CCDC192: variants seen among roughly 807,000 people sequenced by gnomAD.
CCDC192 encodes coiled-coil domain containing 192, also known as coiled-coil domain-containing protein 192.
At chr5:127,756,395 G>A (rs11743016) in intron 3 of CCDC192, among the ~76,000 whole-genome samples, 48,554 of 151,702 alleles carry the variant, frequency 0.32, 8,563 homozygotes, top group Middle Eastern at 0.42. Flanking sequence ...ATTCGACGGG[G>A]AGGGGCCCGG....
intron 2 of CCDC192, among the ~76,000 whole-genome samples, chr5:127,752,860 G>A (rs990449425): frequency 6.6e-6 from 1 of 152,150 alleles, no homozygotes; most frequent in African/African-American, 2.4e-5. Context: ...TATTCGGGTG[G>A]GAGTGACCCG....
At chr5:127,936,841 CTA>C (rs1474321089) in intron 6 of CCDC192, among the ~76,000 whole-genome samples, 1 of 152,184 alleles carries the variant, frequency 6.6e-6, no homozygotes, top group Non-Finnish European at 1.5e-5. Context: ...CAGCAGAAGC[CTA>C]TGAGGGACCA....
chr5:127,784,522 G>T, intron 3 of CCDC192: 1 of 369,158 alleles, frequency 2.7e-6, no homozygotes, highest in Non-Finnish European at 5.1e-6. Context: ...GTACAATGGT[G>T]GCAGGCTGGC....
At chr5:127,789,397 A>G (rs1200295700) in intron 3 of CCDC192, among the ~76,000 whole-genome samples, 1 of 152,242 alleles carries the variant, frequency 6.6e-6, no homozygotes, top group Non-Finnish European at 1.5e-5. Flanking sequence ...ATGAGGTTTT[A>G]GATGGAAAAG....
In CCDC192 at chr5:127,836,694, A is replaced by T. The variant is rs1187760603; in HGVS notation, c.411+38532A>T. On this transcript the variant is annotated intron_variant, in intron 5 of 6. Coordinates refer to ENST00000514853, the MANE Select transcript of CCDC192 (RefSeq NM_001317938.2). ...GCTTGGGGATAGGACCCACTGAAGCAATGGCCTTAGCTGTATGTTGGCCCC... is the reference window on the plus strand; with the variant it reads ...GCTTGGGGATAGGACCCACTGAAGCTATGGCCTTAGCTGTATGTTGGCCCC... Among the ~76,000 whole-genome samples the T allele has an allele frequency of 3.3e-4, 6 of 18,398 alleles. 3 individuals carry two copies. Among genetic ancestry groups the T allele is most frequent in the Non-Finnish European group, 9.5e-4 (6 of 6,296 alleles). The allele number at this position is 18,398 out of a possible 152,430, so 12.1% of individuals were successfully genotyped here.
intron 5 of CCDC192, among the ~76,000 whole-genome samples, chr5:127,845,705 TAGAC>T (rs1383469939): frequency 7.9e-5 from 12 of 152,244 alleles, no homozygotes; most frequent in African/African-American, 1.9e-4. Context: ...AAATAGATGA[TAGAC>T]AGAAACAACA....
At chr5:127,713,402 A>C (rs78607920) in intron 2 of CCDC192, among the ~76,000 whole-genome samples, 1,906 of 152,132 alleles carry the variant, frequency 0.013, 18 homozygotes, top group African/African-American at 0.024. Flanking sequence ...GTCCATTTTC[A>C]AGTTGTGTTA....
intron 3 of CCDC192, among the ~76,000 whole-genome samples, chr5:127,784,377 C>T (rs1372796632): frequency 6.6e-6 from 1 of 152,110 alleles, no homozygotes; most frequent in Non-Finnish European, 1.5e-5. Flanking sequence ...GAGGTTCGGT[C>T]TTCTCTGTTC....
At chr5:127,871,863 A>T (rs1356330399) in intron 5 of CCDC192, among the ~76,000 whole-genome samples, 1 of 152,222 alleles carries the variant, frequency 6.6e-6, no homozygotes, top group Non-Finnish European at 1.5e-5. Context: ...GTAGGAAAAG[A>T]GCACGGTAAT....
chr5:127,714,439 A>G (rs1186796391), intron 2 of CCDC192, among the ~76,000 whole-genome samples: 1 of 152,128 alleles, frequency 6.6e-6, no homozygotes, highest in East Asian at 1.9e-4. Flanking sequence ...CCCAGGCTGG[A>G]GTGCAGTGGT....
intron 6 of CCDC192, among the ~76,000 whole-genome samples, chr5:127,915,509 G>A (rs1753495381): frequency 6.6e-6 from 1 of 152,194 alleles, no homozygotes. Context: ...AGCCTCCCGA[G>A]TAGCTGGGAC....
intron 5 of CCDC192, among the ~76,000 whole-genome samples, chr5:127,825,506 G>C (rs1275580186): frequency 6.6e-6 from 1 of 152,166 alleles, no homozygotes; most frequent in Non-Finnish European, 1.5e-5. Context: ...AGTTCTTAGA[G>C]GTTTATATCC....
chr5:127,814,001 C>T (rs1240952356), intron 5 of CCDC192, among the ~76,000 whole-genome samples: 3 of 152,284 alleles, frequency 2.0e-5, no homozygotes, highest in Middle Eastern at 6.8e-3. Context: ...TCCTCACAAG[C>T]CAGTTTCTCA....
At chr5:127,799,628 A>C (rs1757371574) in intron 5 of CCDC192, among the ~76,000 whole-genome samples, 1 of 152,192 alleles carries the variant, frequency 6.6e-6, no homozygotes, top group Non-Finnish European at 1.5e-5. Context: ...AGCTTCCAGC[A>C]TCTCTTTGTG....
At chr5:127,721,924 G>C (rs1159241534) in intron 2 of CCDC192, among the ~76,000 whole-genome samples, 2 of 152,132 alleles carry the variant, frequency 1.3e-5, no homozygotes, top group Non-Finnish European at 2.9e-5. Flanking sequence ...AACTACAAGG[G>C]GGAGTAAGCC....
Position 127,753,989 on chromosome 5 carries a change from T to A in CCDC192, c.115-279T>A, listed in dbSNP as rs77637873. Among the ~76,000 whole-genome samples, 317 of 152,328 alleles carry A rather than the reference T, an allele frequency of 2.1e-3. 1 individual carries two copies. Among genetic ancestry groups the A allele is most frequent in the African/African-American group, 7.3e-3 (302 of 41,588 alleles). On this transcript the variant is annotated intron_variant, in intron 2 of 6. Coordinates refer to ENST00000514853, the MANE Select transcript of CCDC192 (RefSeq NM_001317938.2). Reference sequence around the variant, plus strand: ...TGGAGTAAGAATAAAAGTTTCAAAGTAGTCAAATTCCAATGACAGTTATTT... The same window carrying A: ...TGGAGTAAGAATAAAAGTTTCAAAGAAGTCAAATTCCAATGACAGTTATTT...
At chr5:127,907,765 G>C (rs1273125070) in intron 6 of CCDC192, among the ~76,000 whole-genome samples, 2 of 152,142 alleles carry the variant, frequency 1.3e-5, no homozygotes, top group Admixed American at 1.3e-4. Context: ...CAAAAATTAA[G>C]TCATCAAAAA....
intron 6 of CCDC192, among the ~76,000 whole-genome samples, chr5:127,913,552 C>T (rs1753435243): frequency 6.6e-6 from 1 of 152,198 alleles, no homozygotes; most frequent in Admixed American, 6.5e-5. Flanking sequence ...AACCCAGCTG[C>T]AGTTACTGTG....
At chr5:127,822,345 T>G (rs1047511361) in intron 5 of CCDC192, among the ~76,000 whole-genome samples, 1 of 152,298 alleles carries the variant, frequency 6.6e-6, no homozygotes, top group African/African-American at 2.4e-5. Context: ...TTAACAGCAT[T>G]GCTTAAAACC....
Sources: allele counts gnomAD v4.1 joint callset (sites outside exome capture counted in the v4.1 genomes callset), GRCh38; gene constraint gnomAD v4.1.1; transcripts MANE v1.5; gene names NCBI Gene and HGNC (gene_info 2026-07-23, HGNC 2026-07-21).